The following ADGRV1 variants were observed in gnomAD, a reference collection of about 807,000 sequenced individuals.
ADGRV1 encodes the protein G-protein coupled receptor 98.
A neutral mutation model predicts 596.2 loss-of-function variants in ADGRV1; 359 were observed. That is an observed-to-expected ratio of 0.60 (90% confidence interval 0.55 to 0.66). ADGRV1 has a LOEUF of 0.66. ADGRV1 is among the 30% of genes least tolerant of loss of function. The pLI, the probability that ADGRV1 is intolerant of heterozygous loss-of-function variation, is 0.00. For missense variants in ADGRV1, 7,274 were observed against 7,575.6 expected, an observed-to-expected ratio of 0.96 and a Z score of 1.48; for synonymous variants, 2,681 against 2,679.2, an observed-to-expected ratio of 1.00 and a Z score of -0.02.
At chr5:90,669,981 G>A (rs751764470) in intron 21 of ADGRV1, among the ~76,000 whole-genome samples, 3 of 152,096 alleles carry the variant, frequency 2.0e-5, no homozygotes, top group Non-Finnish European at 4.4e-5. Context: ...ACTGGTTTTC[G>A]AATACCATTT....
chr5:90,810,352 T>C lies in ADGRV1; in HGVS notation c.15092T>C (p.Phe5031Ser), dbSNP rs1484972170. Residue 5031 changes from phenylalanine (F) to serine (S), a missense_variant, in exon 74 of 90, where the codon TTT becomes TCT. By Grantham distance (155) the Phe-to-Ser change is radical. This residue lies in a region of ADGRV1 where 1,874 missense variants were observed against 1,970.2 expected (regional missense o/e 0.95). Coordinates refer to ENST00000405460, the MANE Select transcript of ADGRV1 (RefSeq NM_032119.4). ...ATCAGATTACATGTACAAAGACTAT[T>C]TGGGTTCCACAGCGATCTTATTAAA... ...QMIRLHVQRL[F>S]GFHSDLIKVS... The C allele has an allele frequency of 2.5e-6, 4 of 1,613,468 alleles. No homozygotes were observed. In the African/African-American group the frequency reaches 5.3e-5, roughly 22 times the overall value.
chr5:90,946,660 T>A (rs1776605002), intron 83 of ADGRV1, among the ~76,000 whole-genome samples: 1 of 152,086 alleles, frequency 6.6e-6, no homozygotes, highest in Non-Finnish European at 1.5e-5. Context: ...TTCCCCTCCC[T>A]GTGTCCATGT....
At chr5:90,908,387 C>T (rs140391833) in intron 83 of ADGRV1, among the ~76,000 whole-genome samples, 419 of 152,168 alleles carry the variant, frequency 2.8e-3, no homozygotes, top group Non-Finnish European at 4.0e-3. Context: ...TTCAATTGTA[C>T]GCTTAGTTAA....
intron 85 of ADGRV1, among the ~76,000 whole-genome samples, chr5:91,047,969 T>C (rs1319329180): frequency 1.3e-5 from 2 of 152,208 alleles, no homozygotes; most frequent in African/African-American, 4.8e-5. Context: ...AGTAGCTAAC[T>C]TTATTTAGTT....
intron 1 of ADGRV1, among the ~76,000 whole-genome samples, chr5:90,608,814 A>G (rs907602587): frequency 1.3e-5 from 2 of 152,060 alleles, no homozygotes; most frequent in Admixed American, 6.6e-5. Context: ...TCCCAGGATG[A>G]CTGTTGCCCA....
intron 83 of ADGRV1, among the ~76,000 whole-genome samples, chr5:90,926,823 G>A (rs1324813560): frequency 2.0e-5 from 3 of 151,126 alleles, no homozygotes; most frequent in Non-Finnish European, 4.4e-5. Context: ...CAGAGATTCT[G>A]GTATGTTGTG....
intron 86 of ADGRV1, among the ~76,000 whole-genome samples, chr5:91,074,459 G>C (rs1410746120): frequency 6.6e-6 from 1 of 152,134 alleles, no homozygotes; most frequent in Non-Finnish European, 1.5e-5. Context: ...AGTTCACTTA[G>C]GATAACAGCC....
At chr5:90,790,814 G>C (rs949266380) in intron 69 of ADGRV1, 59 bp from the exon 70 acceptor site, 1 of 1,096,392 alleles carries the variant, frequency 9.1e-7, no homozygotes, top group Non-Finnish European at 1.3e-6. Flanking sequence ...TAATTTAAGG[G>C]AATTTGGTGC....
At chr5:90,802,529 C>G (rs1364639938) in intron 70 of ADGRV1, among the ~76,000 whole-genome samples, 1 of 152,116 alleles carries the variant, frequency 6.6e-6, no homozygotes, top group Non-Finnish European at 1.5e-5. Context: ...CTGTGCCCAG[C>G]CAATTTGTAG....
At chr5:91,081,199 TG>T (rs1789340495) in intron 86 of ADGRV1, among the ~76,000 whole-genome samples, 1 of 152,100 alleles carries the variant, frequency 6.6e-6, no homozygotes, top group East Asian at 1.9e-4. Context: ...AATTCCATCA[TG>T]GGGGCTCCAC....
At chr5:91,058,297 A>G (rs1038189443) in intron 85 of ADGRV1, among the ~76,000 whole-genome samples, 1 of 152,152 alleles carries the variant, frequency 6.6e-6, no homozygotes, top group African/African-American at 2.4e-5. Flanking sequence ...TAAAGAAGGA[A>G]GTGCTGTTAT....
At chr5:90,975,381 G>A (rs758142901) in intron 84 of ADGRV1, among the ~76,000 whole-genome samples, 2 of 152,098 alleles carry the variant, frequency 1.3e-5, no homozygotes, top group Non-Finnish European at 2.9e-5. Flanking sequence ...AAATCATGCT[G>A]CTATAAAGAC....
chr5:91,104,920 C>A (rs910601180), intron 87 of ADGRV1, among the ~76,000 whole-genome samples: 2 of 140,392 alleles, frequency 1.4e-5, no homozygotes, highest in African/African-American at 5.2e-5. Flanking sequence ...AATGCAGTGG[C>A]GCGAACTCAG....
intron 87 of ADGRV1, among the ~76,000 whole-genome samples, chr5:91,121,991 C>T (rs1405668343): frequency 6.6e-6 from 1 of 151,538 alleles, no homozygotes. Flanking sequence ...AAACTTGGAC[C>T]ATTAACTTGT....
intron 64 of ADGRV1, chr5:90,781,166 C>T (rs984166488): frequency 3.1e-5 from 14 of 445,942 alleles, no homozygotes; most frequent in Non-Finnish European, 5.3e-5. Context: ...AGTTTATTAT[C>T]TTCCCATTGC....
At chr5:90,864,644 T>C (rs945687930) in intron 83 of ADGRV1, among the ~76,000 whole-genome samples, 2 of 152,138 alleles carry the variant, frequency 1.3e-5, no homozygotes, top group African/African-American at 4.8e-5. Flanking sequence ...TTCAGTTTGT[T>C]GTTAAGGACT....
intron 83 of ADGRV1, among the ~76,000 whole-genome samples, chr5:90,867,560 C>A (rs1411449989): frequency 2.0e-5 from 3 of 152,158 alleles, no homozygotes; most frequent in Non-Finnish European, 4.4e-5. Flanking sequence ...ATGTCATTCT[C>A]GCTTTGAGTA....
At chr5:91,114,504 G>A (rs923026615) in intron 87 of ADGRV1, among the ~76,000 whole-genome samples, 4 of 152,120 alleles carry the variant, frequency 2.6e-5, no homozygotes, top group African/African-American at 9.7e-5. Flanking sequence ...TCCAGCCTCG[G>A]CAACAGAGCA....
chr5:90,791,925 C>G (rs1306751423), intron 70 of ADGRV1: 1 of 152,536 alleles, frequency 6.6e-6, no homozygotes, highest in Non-Finnish European at 1.5e-5. Flanking sequence ...AGCAGACAGC[C>G]CAGCAGTCTT....
Sources: gnomAD v4.1 joint callset for allele counts (sites outside exome capture counted in the v4.1 genomes callset) on GRCh38, gnomAD v4.1.1 for gene constraint, gnomAD v4.1.1 regional missense constraint, MANE v1.5 for transcripts, NCBI Gene and HGNC (gene_info 2026-07-23, HGNC 2026-07-21) for gene names.